TRIP12: variants seen among roughly 807,000 people sequenced by gnomAD.
TRIP12 encodes thyroid hormone receptor interactor 12.
Under a neutral mutation model 244.2 loss-of-function variants are expected in TRIP12, and 25 were observed. The observed-to-expected ratio is 0.10, with a 90% CI of 0.07 to 0.14. The LOEUF (loss-of-function observed/expected upper bound fraction) is 0.14, where lower values mean the gene tolerates loss of function less well. Ranked by LOEUF, TRIP12 falls within the 10% of genes least tolerant of loss-of-function variation. TRIP12 has a pLI of 1.00. For missense variants in TRIP12, 1,677 were observed against 2,486.4 expected (o/e 0.67, Z 6.92); for synonymous variants, 905 against 873.1 (o/e 1.04, Z -0.64).
chr2:229,918,890 G>C (rs2075984352), intron 1 of TRIP12, among the ~76,000 whole-genome samples: 1 of 151,920 alleles, frequency 6.6e-6, no homozygotes, highest in African/African-American at 2.4e-5. Flanking sequence ...CATTACATCT[G>C]TTGGGTCTCA....
At chr2:229,799,262 T>C (rs373480241) in intron 22 of TRIP12, 21 bp downstream of exon 22, 33 of 1,611,360 alleles carry the variant, frequency 2.0e-5, no homozygotes, top group African/African-American at 5.3e-5. Flanking sequence ...TACCTCCCCA[T>C]AGTTTCATCA....
chr2:229,881,531 T>G (rs1356212449), intron 1 of TRIP12, among the ~76,000 whole-genome samples: 1 of 152,216 alleles, frequency 6.6e-6, no homozygotes, highest in Non-Finnish European at 1.5e-5. Flanking sequence ...AAGAAAGTAG[T>G]TTTCTTTTGG....
At chr2:229,922,248 T>A (rs1000129906), upstream of TRIP12, 1 of 475,828 alleles carries the variant, frequency 2.1e-6, no homozygotes. Context: ...TGTGGAGATC[T>A]ACTTGGTATC....
chr2:229,831,710 T>C (rs2053437626), intron 6 of TRIP12, among the ~76,000 whole-genome samples: 1 of 152,146 alleles, frequency 6.6e-6, no homozygotes, highest in Non-Finnish European at 1.5e-5. Flanking sequence ...AGACTCAGGA[T>C]ACTATTAATC....
intron 9 of TRIP12, among the ~76,000 whole-genome samples, chr2:229,815,679 AG>A (rs972152020): frequency 2.6e-5 from 4 of 151,658 alleles, no homozygotes; most frequent in Admixed American, 6.6e-5. Flanking sequence ...ATAAATAAAC[AG>A]GATCAGCAAT....
At chr2:229,922,563 C>T (rs1306732381), upstream of TRIP12, 1 of 1,614,112 alleles carries the variant, frequency 6.2e-7, no homozygotes, top group African/African-American at 1.3e-5. Flanking sequence ...GGACAAGGCC[C>T]GCCGCCTAGC....
rs1364881206 is a variant in TRIP12 at position 229,778,286 on chromosome 2, T to G, written c.5364+147A>C. On this transcript the variant is annotated intron_variant, in intron 36 of 41. Transcript: ENST00000675903. The surrounding 1 kb of genome is among the most constrained non-coding windows in gnomAD (Gnocchi z 4.1). ...TGCCCTACTGAATCAGAACCGGCAT[T>G]TTTAACAAAATCCCCAAGTAATTCA... The G allele has an allele frequency of 9.0e-7, 1 of 1,115,594 alleles. No individual in the cohort carries two copies. The highest frequency in any genetic ancestry group is 1.3e-6 in the Non-Finnish European group (1 of 789,602). 69.1% of individuals were successfully genotyped at this position (1,115,594 alleles called of 1,614,324 possible). A position where few individuals can be genotyped will look rare whatever the true frequency, so the allele number is the denominator to read the frequency against.
rs1311663248 is a variant in TRIP12, at chr2:229,802,409, T to A, written c.3049A>T (p.Ser1017Cys). The change falls in exon 21 of 42, where the codon AGT (serine) becomes TGT (cysteine). Residue 1017 changes from serine (S) to cysteine (C), a missense_variant. Around this residue, in one of 11 missense-constraint regions of TRIP12, gnomAD observed 572 missense variants for 867.8 expected, o/e 0.66. Transcript: ENST00000675903. ...HLAESESLLT[S>C]PPKACTNGSG... ...CCATTCGTACATGCCTTTGGTGGAC[T>A]TGTCAACAAAGACTCTGATTCTGCT... 1 of 1,614,048 alleles carries A rather than the reference T, an allele frequency of 6.2e-7. No individual in the cohort carries two copies. The highest frequency in any genetic ancestry group is 1.1e-5 in the South Asian group (1 of 91,072).
chr2:229,818,423 C>G lies in TRIP12; in HGVS notation c.1540G>C (p.Val514Leu), dbSNP rs2049045126. The G allele has an allele frequency of 6.2e-7, 1 of 1,614,142 alleles. No individual in the cohort carries two copies. The highest frequency in any genetic ancestry group is 8.5e-7 in the Non-Finnish European group (1 of 1,179,998). The change falls in exon 9 of 42, where the codon GTC becomes CTC. Residue 514 changes from valine to leucine, a missense_variant. Physicochemically the swap from Val to Leu is conservative, Grantham distance 32. Around this residue, in one of 11 missense-constraint regions of TRIP12, gnomAD observed 5 missense variants for 28.4 expected, o/e 0.18. Coordinates refer to ENST00000675903, the MANE Select transcript of TRIP12 (RefSeq NM_001348323.3). ...CCCAGTGTCTCCTCATTTCCCATGA[C>G]CAGTAACTGACACATCTCAATAACT... ...QAVIEMCQLL[V>L]MGNEETLGGF...
At chr2:229,886,328 A>G (rs919874256) in intron 1 of TRIP12, among the ~76,000 whole-genome samples, 8 of 152,202 alleles carry the variant, frequency 5.3e-5, no homozygotes, top group African/African-American at 1.9e-4. Context: ...AAAGTTCTAT[A>G]GAGAAATTAG....
intron 2 of TRIP12, among the ~76,000 whole-genome samples, chr2:229,877,206 C>T (rs1277115834): frequency 6.6e-6 from 1 of 151,888 alleles, no homozygotes. Flanking sequence ...TAGAGTTAGA[C>T]TCTGTCTCTA....
intron 34 of TRIP12, among the ~76,000 whole-genome samples, chr2:229,783,406 A>C (rs2038935214): frequency 6.6e-6 from 1 of 152,238 alleles, no homozygotes; most frequent in Non-Finnish European, 1.5e-5. Context: ...ATGGGTCTAC[A>C]ATAATCGTAA....
At chr2:229,830,527 A>C (rs1356864042) in intron 7 of TRIP12, among the ~76,000 whole-genome samples, 1 of 152,228 alleles carries the variant, frequency 6.6e-6, no homozygotes, top group African/African-American at 2.4e-5. Context: ...ATTTTAAACA[A>C]AAATAAATAT....
intron 1 of TRIP12, among the ~76,000 whole-genome samples, chr2:229,915,650 C>T (rs529320462): frequency 3.3e-5 from 5 of 150,860 alleles, no homozygotes; most frequent in African/African-American, 1.2e-4. Context: ...GGGCTAAAGA[C>T]TTTAAAGAAT....
intron 5 of TRIP12, among the ~76,000 whole-genome samples, chr2:229,839,685 A>C (rs1431734316): frequency 6.6e-6 from 1 of 151,988 alleles, no homozygotes; most frequent in Non-Finnish European, 1.5e-5. Context: ...TCTCAAAAAA[A>C]AAAAAAAGAA....
chr2:229,845,269 T>C (rs2057339555), intron 4 of TRIP12, among the ~76,000 whole-genome samples: 1 of 152,214 alleles, frequency 6.6e-6, no homozygotes, highest in Non-Finnish European at 1.5e-5. Flanking sequence ...TTAATTTTGG[T>C]TGAATATCCA....
Position 229,793,124 on chromosome 2 carries a change from T to G in TRIP12, c.3990A>C (p.Ser1330=), listed in dbSNP as rs1316179232. Residue 1330 remains serine (S), a synonymous_variant, in exon 27 of 42, where the codon TCA becomes TCC. Coordinates refer to ENST00000675903, the MANE Select transcript of TRIP12 (RefSeq NM_001348323.3). ...TGGSFSLNRG[S]QALKFFNTHQ... The stretch of plus-strand genomic sequence containing the variant: ...GTGTGTTGAAAAATTTTAAAGCCTG[T>G]GATCCTCTGTTGAGAGAAAAGCTCA... 6.2e-7 allele frequency: 1 copy of G among 1,613,528 alleles called. No individual in the cohort carries two copies. The highest frequency in any genetic ancestry group is 1.7e-5 in the Admixed American group (1 of 59,898).
intron 2 of TRIP12, among the ~76,000 whole-genome samples, chr2:229,868,352 C>G (rs115123703): frequency 2.0e-5 from 3 of 152,202 alleles, no homozygotes; most frequent in South Asian, 4.1e-4. Context: ...CAGACACTTA[C>G]GACCACACCT....
At chr2:229,880,276 G>C in intron 1 of TRIP12, 148 bp from the exon 2 acceptor site, 1 of 594,870 alleles carries the variant, frequency 1.7e-6, no homozygotes, top group Non-Finnish European at 2.9e-6. Flanking sequence ...TCACTGAACT[G>C]TGAAGTCTGA....
Sources: gnomAD v4.1 joint callset for allele counts (sites outside exome capture counted in the v4.1 genomes callset) on GRCh38, gnomAD v4.1.1 for gene constraint, gnomAD v4.1.1 regional missense constraint, Gnocchi (gnomAD v3.1) non-coding constraint, MANE v1.5 for transcripts, NCBI Gene and HGNC (gene_info 2026-07-23, HGNC 2026-07-21) for gene names.